The following SOS2 variants were observed in gnomAD, a reference collection of about 807,000 sequenced individuals.
SOS2 encodes SOS Ras/Rho guanine nucleotide exchange factor 2.
Under a neutral mutation model 148.2 loss-of-function variants are expected in SOS2, and 65 were observed. That is an observed-to-expected ratio of 0.44 (90% CI 0.36 to 0.54). The LOEUF is 0.54. Among genes scored for constraint, SOS2 ranks in the 20% least tolerant of loss-of-function variants. The pLI, the probability that SOS2 is intolerant of heterozygous loss-of-function variation, is 0.00. For synonymous variants in SOS2, 539 were observed against 537.1 expected (o/e 1.00, Z -0.05); for missense variants, 1,341 against 1,590.2 (o/e 0.84, Z 2.67).
chr14:50,178,672 A>ATGTGTG (rs1885614308), intron 7 of SOS2, among the ~76,000 whole-genome samples: 4 of 2,844 alleles, frequency 1.4e-3, no homozygotes, highest in African/African-American at 2.1e-3. Context: ...GTGTGTGTGC[A>ATGTGTG]TATATATATA....
chr14:50,201,610 A>C (rs1306074710), intron 2 of SOS2, among the ~76,000 whole-genome samples: 1 of 152,096 alleles, frequency 6.6e-6, no homozygotes, highest in East Asian at 1.9e-4. Context: ...CAAAAAGGTA[A>C]ACTTCAAAAA....
At chr14:50,151,706 C>T (rs1884668919) in intron 13 of SOS2, among the ~76,000 whole-genome samples, 1 of 152,072 alleles carries the variant, frequency 6.6e-6, no homozygotes. Context: ...ATCCAGTATT[C>T]TCATTTAGAA....
intron 22 of SOS2, 56 bp from the exon 23 acceptor site, chr14:50,118,909 ATTTTTAAGTCTG>A: frequency 8.7e-7 from 1 of 1,149,816 alleles, no homozygotes; most frequent in Non-Finnish European, 1.2e-6. Context: ...AAAAAAAAAA[ATTTTTAAGTCTG>A]AAAAATTCTT....
At chr14:50,139,325 T>G (rs1175987137) in intron 17 of SOS2, among the ~76,000 whole-genome samples, 1 of 152,216 alleles carries the variant, frequency 6.6e-6, no homozygotes, top group Non-Finnish European at 1.5e-5. Context: ...GCTGATTCAT[T>G]TAAATTGGTG....
At chr14:50,225,580 A>G (rs994964308) in intron 1 of SOS2, among the ~76,000 whole-genome samples, 1 of 152,212 alleles carries the variant, frequency 6.6e-6, no homozygotes, top group African/African-American at 2.4e-5. Context: ...GTACATTCCT[A>G]CCGCTCATCT....
intron 4 of SOS2, among the ~76,000 whole-genome samples, chr14:50,198,352 T>TAA (rs11296281): frequency 6.8e-6 from 1 of 146,552 alleles, no homozygotes; most frequent in African/African-American, 2.5e-5. Flanking sequence ...ATTTTCAAAG[T>TAA]AAAAAAAAAA....
intron 8 of SOS2, among the ~76,000 whole-genome samples, chr14:50,171,328 A>G (rs1176533732): frequency 6.6e-6 from 1 of 152,124 alleles, no homozygotes; most frequent in Non-Finnish European, 1.5e-5. Flanking sequence ...GCAAGGTCTC[A>G]AAGACATATT....
In SOS2 at chr14:50,150,140, G is replaced by A; in HGVS notation, c.2252C>T (p.Thr751Ile). 6.2e-7 allele frequency: 1 copy of A among 1,612,918 alleles called. No individual in the cohort carries two copies. Among genetic ancestry groups the A allele is most frequent in the Non-Finnish European group, 8.5e-7 (1 of 1,178,932 alleles). ...AQANGVSHNI[T>I]FESPPPPIEW... ...AATTGGTGGAGGTGGACTTTCAAAG[G>A]TAATATTATGGCTTACTCCGTTTGC... Residue 751 changes from threonine (T) to isoleucine (I), a missense_variant, in exon 14 of 23, where the codon ACC becomes ATC. Transcript: ENST00000216373.
rs1011754298 is a variant in SOS2, at chr14:50,159,491, T to C, written c.1792A>G (p.Ile598Val). 6.2e-7 allele frequency: 1 copy of C among 1,612,844 alleles called. No individual in the cohort carries two copies. The highest frequency in any genetic ancestry group is 8.5e-7 in the Non-Finnish European group (1 of 1,179,034). The change falls in exon 10 of 23, where the codon ATT becomes GTT. Residue 598 changes from isoleucine to valine, a missense_variant. Coordinates refer to ENST00000216373, the MANE Select transcript of SOS2 (RefSeq NM_006939.4). ...TTCACTACAGTTCCTCCTTTAATAA[T>C]GGGGATGCCACTTCTACTTTGCAAG... is the stretch of plus-strand genomic sequence containing the variant. Reference protein sequence around the residue: ...DNLQSRSGIPIIKGGTVVKLI... With the variant: ...DNLQSRSGIPVIKGGTVVKLI...
At position 50,226,006 on chromosome 14, in the gene SOS2, T is replaced by TCC. The variant is rs74726778; in HGVS notation, c.87+5189_87+5190dup. Among the ~76,000 whole-genome samples the TCC allele has an allele frequency of 6.5e-3, 976 of 150,832 alleles. 9 individuals carry two copies. The highest frequency in any genetic ancestry group is 0.018 in the African/African-American group (742 of 40,958). ...TACTTTCCCCTCAGCCTCAAATCCT[T>TCC]CCCCCCCGCCCTTTTTTTTTCTTGT... On this transcript the variant is annotated intron_variant, in intron 1 of 22. Transcript: ENST00000216373.
At chr14:50,151,871 A>G (rs1884673190) in intron 13 of SOS2, among the ~76,000 whole-genome samples, 1 of 152,012 alleles carries the variant, frequency 6.6e-6, no homozygotes, top group Non-Finnish European at 1.5e-5. Flanking sequence ...CTACAGGCAC[A>G]TGCCACCATG....
intron 8 of SOS2, among the ~76,000 whole-genome samples, chr14:50,167,887 A>G (rs1354825249): frequency 1.3e-5 from 2 of 152,154 alleles, no homozygotes; most frequent in African/African-American, 4.8e-5. Context: ...AAAGAAAAAA[A>G]AAGTGAGTCC....
chr14:50,132,878 CCT>C (rs1267535843), intron 19 of SOS2, among the ~76,000 whole-genome samples: 1 of 152,114 alleles, frequency 6.6e-6, no homozygotes, highest in Non-Finnish European at 1.5e-5. Flanking sequence ...CCTGCTCATC[CCT>C]CTCATTAAAC....
chr14:50,220,487 A>G (rs1396521230), intron 1 of SOS2, among the ~76,000 whole-genome samples: 1 of 151,582 alleles, frequency 6.6e-6, no homozygotes, highest in African/African-American at 2.4e-5. Context: ...AGCAGCAAAC[A>G]GATCTCTTGG....
At chr14:50,131,381 G>A (rs894395576) in intron 19 of SOS2, among the ~76,000 whole-genome samples, 1 of 151,928 alleles carries the variant, frequency 6.6e-6, no homozygotes, top group Admixed American at 6.6e-5. Context: ...TTAACCCCTT[G>A]GAATCTCACT....
At chr14:50,180,516 A>G in intron 7 of SOS2, 56 bp downstream of exon 7, 1 of 715,680 alleles carries the variant, frequency 1.4e-6, no homozygotes, top group South Asian at 1.8e-5. Context: ...AAATAGTGAG[A>G]TATTTATTTG....
At chr14:50,180,519 T>C in intron 7 of SOS2, 53 bp downstream of exon 7, 1 of 745,140 alleles carries the variant, frequency 1.3e-6, no homozygotes, top group Non-Finnish European at 2.1e-6. Flanking sequence ...TAGTGAGATA[T>C]TTATTTGCTT....
chr14:50,192,143 CAAAAAAAAAAAAAA>C (rs201836422), intron 4 of SOS2, among the ~76,000 whole-genome samples: 3 of 118,928 alleles, frequency 2.5e-5, no homozygotes, highest in Non-Finnish European at 1.7e-5. Context: ...GTCCTTGTCA[CAAAAAAAAAAAAAA>C]AAAAAAAAAA....
At chr14:50,126,418 T>C (rs1445964290) in intron 21 of SOS2, among the ~76,000 whole-genome samples, 1 of 152,176 alleles carries the variant, frequency 6.6e-6, no homozygotes, top group African/African-American at 2.4e-5. Context: ...GATATGCAAC[T>C]TAGCTGATTT....
Sources: gnomAD v4.1 joint callset for allele counts (sites outside exome capture counted in the v4.1 genomes callset) on GRCh38, gnomAD v4.1.1 for gene constraint, MANE v1.5 for transcripts, NCBI Gene and HGNC (gene_info 2026-07-23, HGNC 2026-07-21) for gene names.